The following PEX5 variants were observed in gnomAD, a reference collection of about 807,000 sequenced individuals.
The protein encoded by PEX5 is peroxisomal biogenesis factor 5, also known as PTS1 receptor.
In PEX5, 52 loss-of-function variants were observed where a neutral mutation model predicts 82.9. The observed-to-expected ratio is 0.63, with a 90% CI of 0.50 to 0.79. The LOEUF (loss-of-function observed/expected upper bound fraction) is 0.79, where lower values mean the gene tolerates loss of function less well. Among genes scored for constraint, PEX5 ranks in the 30% least tolerant of loss-of-function variants. The probability of loss-of-function intolerance (pLI) is 0.00; values close to 1 mark genes in which losing one functional copy is unlikely to be tolerated. For missense variants in PEX5, 719 were observed against 815.2 expected (o/e 0.88, Z 1.44); for synonymous variants, 300 against 318.8 (o/e 0.94, Z 0.63).
rs753217940 is a variant in PEX5, at chr12:7,197,272, CAT to C, written c.449-1733_449-1732del. On this transcript the variant is annotated intron_variant, in intron 5 of 15. Transcript: ENST00000675855. ...TGTCATATGTAATAATTATATATGTCATATATAATGTAATAATTATATATGTC... is the reference window on the plus strand; with the variant it reads ...TGTCATATGTAATAATTATATATGTCATATAATGTAATAATTATATATGTC... 1.0e-3 allele frequency among the ~76,000 whole-genome samples: 136 copies of C among 130,740 alleles called. 13 individuals are homozygous for C. In the South Asian group the frequency reaches 0.01, roughly 10 times the overall value. 85.8% of individuals were successfully genotyped at this position (130,740 alleles called of 152,430 possible).
chr12:7,199,177 C>G (rs1943266691), intron 6 of PEX5, 64 bp downstream of exon 6: 3 of 855,198 alleles, frequency 3.5e-6, no homozygotes, highest in Non-Finnish European at 5.8e-6. Context: ...CCAGCCTCCT[C>G]CATCCACGTT....
At chr12:7,212,464 G>GAAAAAAAAAAAAAAAAAAAAA (rs5796271), downstream of PEX5, among the ~76,000 whole-genome samples, 1 of 96,276 alleles carries the variant, frequency 1.0e-5, no homozygotes, top group Non-Finnish European at 1.9e-5. Context: ...AAAGCTGCCA[G>GAAAAAAAAAAAAAAAAAAAAA]AAAAAAAAAA....
chr12:7,200,471 C>G (rs774242888), intron 6 of PEX5, among the ~76,000 whole-genome samples: 2 of 152,294 alleles, frequency 1.3e-5, no homozygotes, highest in South Asian at 4.1e-4. Flanking sequence ...AGACGCTCCT[C>G]ACTTCCCAGA....
Position 7,202,689 on chromosome 12 carries a change from C to T in PEX5, c.831C>T (p.Ala277=), listed in dbSNP as rs747216258. 3.3e-5 allele frequency: 54 copies of T among 1,613,260 alleles called. No individual in the cohort carries two copies. Among genetic ancestry groups the T allele is most frequent in the Admixed American group, 5.0e-5 (3 of 59,994 alleles). The change falls in exon 9 of 16, where the codon GCC becomes GCT. Residue 277 remains alanine, a synonymous_variant. Transcript: ENST00000675855. ...TSALDMEFER[A]KSAIESDVDF... is the part of the protein sequence containing the mutation. ...CCCTTGATATGGAGTTTGAACGAGC[C>T]AAGTCAGCTATAGAGGTGAGAGCAG...
intron 6 of PEX5, 46 bp downstream of exon 6, chr12:7,199,159 C>A: frequency 2.0e-6 from 2 of 976,702 alleles, no homozygotes; most frequent in African/African-American, 1.6e-5. Context: ...GGAGTATGGA[C>A]AGTTTTCCCA....
chr12:7,200,675 G>T (rs1400581645), intron 6 of PEX5, among the ~76,000 whole-genome samples: 1 of 152,188 alleles, frequency 6.6e-6, no homozygotes, highest in African/African-American at 2.4e-5. Context: ...ATCACTCGCG[G>T]TTAGGAGCTG....
downstream of PEX5, among the ~76,000 whole-genome samples, chr12:7,216,336 A>G (rs183424672): frequency 2.0e-5 from 3 of 150,936 alleles, no homozygotes; most frequent in Admixed American, 2.0e-4. Context: ...GGTAATAACA[A>G]CTTACTTTAT....
downstream of PEX5, among the ~76,000 whole-genome samples, chr12:7,211,960 TTTTTTTTTG>T (rs1371817662): frequency 2.3e-4 from 10 of 44,418 alleles, no homozygotes; most frequent in African/African-American, 6.7e-4. Context: ...AAAAAATTTT[TTTTTTTTTG>T]TTTTTTTTTT....
chr12:7,214,865 T>A (rs1033600395), downstream of PEX5, among the ~76,000 whole-genome samples: 1 of 152,120 alleles, frequency 6.6e-6, no homozygotes, highest in African/African-American at 2.4e-5. Context: ...ATAATACTGA[T>A]AATGATATCA....
Position 7,202,224 on chromosome 12 carries a change from G to A in PEX5, c.643-17G>A, listed in dbSNP as rs372199869. The A allele has an allele frequency of 9.9e-6, 16 of 1,613,918 alleles. No individual in the cohort carries two copies. In the African/African-American group the frequency reaches 1.5e-4, roughly 15 times the overall value. On this transcript the variant is annotated splice_polypyrimidine_tract_variant and intron_variant, in intron 7 of 15. Coordinates refer to ENST00000675855, the MANE Select transcript of PEX5 (RefSeq NM_001351132.2). ...AAGTCCTTTCCCAAGTGGCCTGTGTGTGTCTCTGTGCCCCAGTTCCTGAAA... is the reference window on the plus strand; with the variant it reads ...AAGTCCTTTCCCAAGTGGCCTGTGTATGTCTCTGTGCCCCAGTTCCTGAAA...
intron 7 of PEX5, 43 bp from the exon 8 acceptor site, chr12:7,202,198 G>C: frequency 6.2e-7 from 1 of 1,613,430 alleles, no homozygotes; most frequent in Non-Finnish European, 8.5e-7. Flanking sequence ...TGCACACCTG[G>C]AAGTCCTTTC....
rs1591639669 is a variant in PEX5, at chr12:7,190,259, G to A, written c.-16-103G>A. 1.1e-5 allele frequency: 18 copies of A among 1,593,920 alleles called. No homozygotes were observed. The East Asian group carries it at 3.8e-4, about 34-fold the overall frequency. ...AGCACTGGGGTGGAGGGCGGCCAGT[G>A]TGGGGCAGACGCCTGTGTGCCTTCC... On this transcript the variant is annotated intron_variant, in intron 1 of 15. Transcript: ENST00000675855.
chr12:7,213,226 C>CT (rs1222894141), downstream of PEX5, among the ~76,000 whole-genome samples: 10 of 151,280 alleles, frequency 6.6e-5, no homozygotes, highest in Admixed American at 3.3e-4. Context: ...GAAAAAACTA[C>CT]TTTAAAGTTC....
intron 9 of PEX5, 79 bp from the exon 10 acceptor site, chr12:7,203,353 A>G: frequency 3.4e-6 from 5 of 1,485,776 alleles, no homozygotes; most frequent in Non-Finnish European, 4.6e-6. Flanking sequence ...GCTGCCTTAG[A>G]GAATCCCAGC....
rs370984432 is a variant in PEX5, at chr12:7,209,153, C to A, written c.1543C>A (p.Leu515Ile). The change falls in exon 14 of 16, where the codon CTC becomes ATC. Residue 515 changes from leucine to isoleucine, a missense_variant. Leu to Ile is a conservative substitution (Grantham distance 5). Transcript: ENST00000675855. ...GGCCGTGGACTGCTTCACAGCTGCC[C>A]TCAGCGTTCGTCCCAATGTGAGCCC... ...DKAVDCFTAALSVRPNDYLLW... is the reference protein window; with the variant it reads ...DKAVDCFTAAISVRPNDYLLW... The A allele has an allele frequency of 2.5e-6, 4 of 1,613,942 alleles. No individual in the cohort carries two copies. The highest frequency in any genetic ancestry group is 3.4e-6 in the Non-Finnish European group (4 of 1,179,994).
In PEX5 at chr12:7,211,154, A is replaced by G. The variant is rs1945523112; in HGVS notation, c.*931A>G. 1 of 152,672 alleles carries G rather than the reference A, an allele frequency of 6.5e-6. No homozygotes were observed. Among genetic ancestry groups the G allele is most frequent in the African/African-American group, 2.4e-5 (1 of 41,434 alleles). The allele number at this position is 152,672 out of a possible 1,614,324, so 9.5% of individuals were successfully genotyped here. ...TAGCAAATAGGTTCAGTGTTACCAT[A>G]AGCCTTTGCTGTACTTCTTGAAATG... On this transcript the variant is annotated 3_prime_UTR_variant, in exon 16 of 16. Coordinates refer to ENST00000675855, the MANE Select transcript of PEX5 (RefSeq NM_001351132.2).
At chr12:7,198,704 T>C (rs1943188118) in intron 5 of PEX5, among the ~76,000 whole-genome samples, 1 of 152,194 alleles carries the variant, frequency 6.6e-6, no homozygotes, top group South Asian at 2.1e-4. Context: ...TATTTCTTAT[T>C]GAAATATCTT....
intron 17 of PEX5, among the ~76,000 whole-genome samples, chr12:7,217,526 G>C (rs940198848): frequency 5.3e-5 from 8 of 152,232 alleles, no homozygotes; most frequent in African/African-American, 1.7e-4. Flanking sequence ...CAAAATGACA[G>C]AGCAGGAACT....
At position 7,191,206 on chromosome 12, in the gene PEX5, C is replaced by T; in HGVS notation, c.184-20C>T. On this transcript the variant is annotated intron_variant, in intron 3 of 15. Coordinates refer to ENST00000675855, the MANE Select transcript of PEX5 (RefSeq NM_001351132.2). ...GCCTCCCAAGCCTATGGGTTCATTT[C>T]ATCATTTCCCTTCTGGCAGTTGGTG... 6.2e-7 allele frequency: 1 copy of T among 1,614,140 alleles called. No homozygotes were observed. The highest frequency in any genetic ancestry group is 8.5e-7 in the Non-Finnish European group (1 of 1,179,996).
Sources: allele counts gnomAD v4.1 joint callset (sites outside exome capture counted in the v4.1 genomes callset), GRCh38; gene constraint gnomAD v4.1.1; transcripts MANE v1.5; gene names NCBI Gene and HGNC (gene_info 2026-07-23, HGNC 2026-07-21).